The following MUC22 variants were observed in gnomAD, a reference collection of about 807,000 sequenced individuals.
MUC22 encodes mucin-22.
In MUC22, 24 loss-of-function variants were observed where a neutral mutation model predicts 40.3. That is an observed-to-expected ratio of 0.60 (90% CI 0.43 to 0.84). The LOEUF is 0.84. Ranked by LOEUF, MUC22 falls within the 40% of genes least tolerant of loss-of-function variation. The pLI is 0.00. For synonymous variants in MUC22, 765 were observed against 844.5 expected (o/e 0.91, Z 1.63); for missense variants, 1,926 against 2,130.7 (o/e 0.90, Z 1.89).
chr6:31,026,247 C>T (rs552487972), exon 2 of MUC22: 37,094 of 1,264,762 alleles, frequency 0.029, 2,674 homozygotes, highest in Admixed American at 0.075. Flanking sequence ...CAGCCTCTAC[C>T]ACAGGCTCTG....
exon 2 of MUC22, chr6:31,025,690 T>G (rs1413032568): frequency 2.6e-6 from 4 of 1,528,480 alleles, no homozygotes; most frequent in Non-Finnish European, 3.5e-6. Context: ...TACTGCAGCC[T>G]TCACCACAGG....
upstream of MUC22, chr6:31,006,197 G>T: frequency 3.0e-6 from 1 of 330,930 alleles, no homozygotes; most frequent in Non-Finnish European, 5.9e-6. Context: ...AAGCATTTTT[G>T]CTTAATTCAC....
chr6:31,016,837 GCCAGCACTAGTT>G (rs1435705130), intron 1 of MUC22, among the ~76,000 whole-genome samples: 3 of 152,238 alleles, frequency 2.0e-5, no homozygotes, highest in Non-Finnish European at 2.9e-5. Flanking sequence ...GCACTTGCGG[GCCAGCACTAGTT>G]CCAGGTGGGC....
At chr6:31,033,178 A>G (rs1198365551) in intron 3 of MUC22, among the ~76,000 whole-genome samples, 1 of 151,938 alleles carries the variant, frequency 6.6e-6, no homozygotes, top group Admixed American at 6.6e-5. Context: ...AGGAAGGAAG[A>G]AAGAAAAGAA....
At chr6:31,007,367 T>C (rs1398638613), upstream of MUC22, among the ~76,000 whole-genome samples, 1 of 152,236 alleles carries the variant, frequency 6.6e-6, no homozygotes, top group East Asian at 1.9e-4. The surrounding 1 kb of genome is among the most constrained non-coding windows in gnomAD (Gnocchi z 4.0). Context: ...GTGGTCCGTT[T>C]GTGGGAAAAT....
intron 1 of MUC22, among the ~76,000 whole-genome samples, chr6:31,022,130 G>A (rs9262534): frequency 0.14 from 22,036 of 151,976 alleles, 1,758 homozygotes; most frequent in African/African-American, 0.19. Flanking sequence ...GAACACATCT[G>A]AACATCAGAA....
At chr6:31,007,863 A>T (rs147281448), upstream of MUC22, among the ~76,000 whole-genome samples, 26 of 152,280 alleles carry the variant, frequency 1.7e-4, no homozygotes, top group East Asian at 1.7e-3. This position sits in a 1 kb window ranked among gnomAD's most constrained non-coding sequence, Gnocchi z 4.0. Context: ...GGAGGCATTT[A>T]AAAAAATGTT....
At position 31,027,133 on chromosome 6, in the gene MUC22, G is replaced by T. The variant is rs1022253979; in HGVS notation, c.1702G>T (p.Val568Phe). Residue 568 changes from valine (V) to phenylalanine (F), a missense_variant, in exon 2 of 4, where the codon GTC becomes TTC. Transcript: ENST00000561890. ...TACCATAGGCCCTGAGACCACCAAG[G>T]TCTCCACTGCAAGCTCTGAGGTGAC... 29 of 1,496,976 alleles carry T rather than the reference G, an allele frequency of 1.9e-5. 3 individuals are homozygous for T. The highest frequency in any genetic ancestry group is 7.1e-5 in the African/African-American group (5 of 70,456). 92.7% of individuals were successfully genotyped at this position (1,496,976 alleles called of 1,614,324 possible). A position where few individuals can be genotyped will look rare whatever the true frequency, so the allele number is the denominator to read the frequency against.
rs942744505 is a variant in MUC22, at chr6:31,025,437, A to C, written c.71-65A>C. ...AGTACTGAGTATATGTGAAAGTAAC[A>C]CTATACTAAACCTGCAAATTCATCT... On this transcript the variant is annotated intron_variant, in intron 1 of 3. Coordinates refer to ENST00000561890, the Ensembl canonical transcript of MUC22. 7.8e-6 allele frequency: 11 copies of C among 1,418,018 alleles called. No homozygotes were observed. In the African/African-American group the frequency reaches 1.6e-4, roughly 20 times the overall value. The allele number at this position is 1,418,018 out of a possible 1,614,324, so 87.8% of individuals were successfully genotyped here. A position where few individuals can be genotyped will look rare whatever the true frequency, so the allele number is the denominator to read the frequency against.
chr6:31,014,091 A>G (rs987931797), intron 1 of MUC22, among the ~76,000 whole-genome samples: 2 of 152,188 alleles, frequency 1.3e-5, no homozygotes, highest in African/African-American at 4.8e-5. Flanking sequence ...TAACTGGGTC[A>G]TATAATTGCA....
intron 1 of MUC22, among the ~76,000 whole-genome samples, chr6:31,012,613 A>G (rs1317711711): frequency 6.6e-6 from 1 of 152,234 alleles, no homozygotes; most frequent in Non-Finnish European, 1.5e-5. Context: ...CACTTGGTCT[A>G]CTGTAAAACA....
At chr6:31,015,640 A>G (rs9262468) in intron 1 of MUC22, among the ~76,000 whole-genome samples, 22,091 of 152,212 alleles carry the variant, frequency 0.15, 1,763 homozygotes, top group African/African-American at 0.19. Context: ...TCAGGATTTT[A>G]AAGGCGTTGA....
In MUC22 at chr6:31,026,337, C is replaced by A. The variant is rs185924691; in HGVS notation, c.906C>A (p.Pro302=). 1.8e-3 allele frequency: 2,639 copies of A among 1,507,774 alleles called. 145 individuals are homozygous for A. In the African/African-American group the frequency reaches 0.026, roughly 15 times the overall value. 93.4% of individuals were successfully genotyped at this position (1,507,774 alleles called of 1,614,324 possible). ...GTTCTGAGACCACCACCCCCTCCCC[C>A]ACAGGCTCTCAGACCACCATAGTCT... is the stretch of plus-strand genomic sequence containing the variant. The change falls in exon 2 of 4, where the codon CCC becomes CCA. Residue 302 remains proline, a synonymous_variant. Transcript: ENST00000561890.
At chr6:31,022,173 T>C (rs1484510590) in intron 1 of MUC22, among the ~76,000 whole-genome samples, 1 of 152,146 alleles carries the variant, frequency 6.6e-6, no homozygotes, top group Admixed American at 6.5e-5. Flanking sequence ...CCTTAAGAGC[T>C]GTAACACTCA....
At chr6:31,030,497 A>G (rs576756726) in intron 2 of MUC22, among the ~76,000 whole-genome samples, 1 of 147,106 alleles carries the variant, frequency 6.8e-6, no homozygotes, top group African/African-American at 2.5e-5. Flanking sequence ...AGCCTGGGCG[A>G]CAGAGCGAGA....
At chr6:31,019,508 A>G (rs534570360) in intron 1 of MUC22, among the ~76,000 whole-genome samples, 3 of 152,358 alleles carry the variant, frequency 2.0e-5, no homozygotes, top group East Asian at 1.9e-4. Context: ...AGCAAAGCAG[A>G]TATCAGGGTT....
At chr6:31,022,235 C>T (rs1385925612) in intron 1 of MUC22, among the ~76,000 whole-genome samples, 2 of 152,172 alleles carry the variant, frequency 1.3e-5, no homozygotes, top group Admixed American at 6.5e-5. Context: ...AAGAACCCAC[C>T]AATTCCAGAC....
At chr6:31,019,950 G>A (rs2150761058) in intron 1 of MUC22, among the ~76,000 whole-genome samples, 1 of 152,236 alleles carries the variant, frequency 6.6e-6, no homozygotes, top group East Asian at 1.9e-4. Flanking sequence ...AGTATGGGCT[G>A]AAAATGAATG....
rs545984984 is a variant in MUC22, at chr6:31,026,925, C to A, written c.1494C>A (p.Val498=). Residue 498 remains valine (V), a synonymous_variant, in exon 2 of 4, where the codon GTC becomes GTA. Transcript: ENST00000561890. The stretch of plus-strand genomic sequence containing the variant: ...CAACTGCAGGCTCTGAGACCACAGT[C>A]TCCACTGCAGGCTCTGAGACCACTG... 39 of 1,503,752 alleles carry A rather than the reference C, an allele frequency of 2.6e-5. 6 individuals carry two copies. The South Asian group carries it at 4.8e-4, about 18-fold the overall frequency. The allele number at this position is 1,503,752 out of a possible 1,614,324, so 93.2% of individuals were successfully genotyped here.
Sources: allele counts gnomAD v4.1 joint callset (sites outside exome capture counted in the v4.1 genomes callset), GRCh38; gene constraint gnomAD v4.1.1; non-coding constraint Gnocchi (gnomAD v3.1); transcripts MANE v1.5; gene names NCBI Gene and HGNC (gene_info 2026-07-23, HGNC 2026-07-21).